The following COL5A2 variants were observed in gnomAD, a reference collection of about 807,000 sequenced individuals.
COL5A2 encodes collagen alpha-2(V) chain.
In COL5A2, 23 loss-of-function variants were observed where a neutral mutation model predicts 208.2. That is an observed-to-expected ratio of 0.11 (90% CI 0.08 to 0.16). The LOEUF is 0.16. Among genes scored for constraint, COL5A2 ranks in the 10% least tolerant of loss-of-function variants. COL5A2 has a pLI of 1.00. For missense variants in COL5A2, 1,590 were observed against 1,956.4 expected (o/e 0.81, Z 3.53); for synonymous variants, 625 against 628.5 (o/e 0.99, Z 0.08).
At chr2:189,262,967 T>C in the COL5A2 span, among the ~76,000 whole-genome samples, 2 of 152,144 alleles carry the variant, frequency 1.3e-5, no homozygotes, top group Admixed American at 6.6e-5. Context: ...CAGAGAAATT[T>C]ATTACATATT....
At chr2:189,214,231 A>AT (rs1345668565) in intron 1 of COL5A2, among the ~76,000 whole-genome samples, 5 of 152,140 alleles carry the variant, frequency 3.3e-5, no homozygotes, top group Admixed American at 6.6e-5. Context: ...GAACAAAGAC[A>AT]TATTATTCAC....
chr2:189,268,537 T>G, the COL5A2 span, among the ~76,000 whole-genome samples: 6 of 152,126 alleles, frequency 3.9e-5, no homozygotes, highest in South Asian at 1.2e-3. Context: ...AAATCCATGT[T>G]TAACAACTGC....
the COL5A2 span, among the ~76,000 whole-genome samples, chr2:189,356,837 C>G: frequency 1.3e-5 from 2 of 152,188 alleles, no homozygotes; most frequent in African/African-American, 2.4e-5. Context: ...GAATTTTCAG[C>G]CTTTTTGCAC....
chr2:189,230,687 A>T, the COL5A2 span, among the ~76,000 whole-genome samples: 1 of 151,910 alleles, frequency 6.6e-6, no homozygotes, highest in Non-Finnish European at 1.5e-5. Context: ...AATAACAGAA[A>T]ATAACTAGTG....
chr2:189,077,275 T>C (rs1269096073), intron 16 of COL5A2, among the ~76,000 whole-genome samples: 1 of 152,048 alleles, frequency 6.6e-6, no homozygotes, highest in Admixed American at 6.6e-5. Flanking sequence ...TAAAAAGATA[T>C]CATACACCAA....
At chr2:189,333,820 G>A in the COL5A2 span, among the ~76,000 whole-genome samples, 1 of 151,808 alleles carries the variant, frequency 6.6e-6, no homozygotes, top group African/African-American at 2.4e-5. Context: ...CTAGACTCCA[G>A]AATTAAAAGA....
Position 189,100,170 on chromosome 2 carries a change from A to C in COL5A2, c.337-31T>G, listed in dbSNP as rs374562200. 3.2e-6 allele frequency: 5 copies of C among 1,586,996 alleles called. No individual in the cohort carries two copies. The African/African-American group carries it at 6.7e-5, about 21-fold the overall frequency. ...ACATTAAAAACAATTCAAAAATTCA[A>C]TTAGCACAATATAATGGCTTGCTGG... On this transcript the variant is annotated intron_variant, in intron 3 of 53. Transcript: ENST00000374866.
At chr2:189,258,244 C>T in the COL5A2 span, among the ~76,000 whole-genome samples, 1 of 152,166 alleles carries the variant, frequency 6.6e-6, no homozygotes, top group Non-Finnish European at 1.5e-5. Flanking sequence ...AAGTTAATTT[C>T]TGTCCATGCA....
the COL5A2 span, among the ~76,000 whole-genome samples, chr2:189,306,546 T>C: frequency 6.6e-6 from 1 of 152,202 alleles, no homozygotes; most frequent in Non-Finnish European, 1.5e-5. Context: ...AACAAACTGG[T>C]GTGCTCATTA....
chr2:189,198,377 T>C (rs1021553042), intron 1 of COL5A2, among the ~76,000 whole-genome samples: 1 of 152,222 alleles, frequency 6.6e-6, no homozygotes, highest in Admixed American at 6.5e-5. Context: ...TCAGTGATAA[T>C]TTGATTATAA....
the COL5A2 span, among the ~76,000 whole-genome samples, chr2:189,267,467 G>A: frequency 6.6e-6 from 1 of 152,006 alleles, no homozygotes; most frequent in Non-Finnish European, 1.5e-5. Flanking sequence ...AAAGGAACAT[G>A]CTAAATGCAT....
chr2:189,082,885 C>T (rs1216856076), intron 12 of COL5A2, among the ~76,000 whole-genome samples: 2 of 152,172 alleles, frequency 1.3e-5, no homozygotes, highest in Non-Finnish European at 2.9e-5. Context: ...TCTCTGTCTG[C>T]ATTTATTTCC....
upstream of COL5A2, among the ~76,000 whole-genome samples, chr2:189,225,884 A>T (rs1020785840): frequency 2.0e-5 from 3 of 152,110 alleles, no homozygotes; most frequent in Non-Finnish European, 4.4e-5. Context: ...CAGAACCAAT[A>T]TGTGCTTTCT....
the COL5A2 span, among the ~76,000 whole-genome samples, chr2:189,377,979 C>T: frequency 6.6e-6 from 1 of 152,174 alleles, no homozygotes; most frequent in African/African-American, 2.4e-5. Flanking sequence ...TAGCACCCTA[C>T]AGCTGAGAAA....
the COL5A2 span, among the ~76,000 whole-genome samples, chr2:189,366,386 T>C: frequency 1.3e-5 from 2 of 152,234 alleles, no homozygotes; most frequent in Non-Finnish European, 2.9e-5. Context: ...TCTGAAGACA[T>C]TTTTGGTTGT....
chr2:189,253,316 C>T, the COL5A2 span, among the ~76,000 whole-genome samples: 6 of 152,204 alleles, frequency 3.9e-5, no homozygotes, highest in Admixed American at 6.5e-5. Context: ...TAGTTTATGA[C>T]TTTTGTCAAG....
At chr2:189,084,811 G>A (rs1686614814) in intron 11 of COL5A2, among the ~76,000 whole-genome samples, 1 of 152,156 alleles carries the variant, frequency 6.6e-6, no homozygotes, top group Non-Finnish European at 1.5e-5. Flanking sequence ...TCATAATGAT[G>A]TATTGCCATC....
At chr2:189,417,635 T>C in the COL5A2 span, among the ~76,000 whole-genome samples, 2,965 of 152,056 alleles carry the variant, frequency 0.019, 96 homozygotes, top group African/African-American at 0.068. Context: ...AAATGTTCTA[T>C]TCACTATTTC....
In COL5A2 at chr2:189,079,999, T is replaced by G; in HGVS notation, c.939A>C (p.Glu313Asp). ...TTACCTTGGAACCAGGTGCTCCAAC[T>G]TCACCTTTAGGGCCTTCAAGACCTT... is the stretch of plus-strand genomic sequence containing the variant. ...GHKGLEGPKG[E>D]VGAPGSKGEA... The change falls in exon 14 of 54, where the codon GAA (glutamate) becomes GAC (aspartate). Residue 313 changes from glutamate to aspartate, a missense_variant. Coordinates refer to ENST00000374866, the MANE Select transcript of COL5A2 (RefSeq NM_000393.5). The G allele has an allele frequency of 6.2e-7, 1 of 1,613,078 alleles. No homozygotes were observed. Among genetic ancestry groups the G allele is most frequent in the Non-Finnish European group, 8.5e-7 (1 of 1,179,176 alleles).
Sources: allele counts gnomAD v4.1 joint callset (sites outside exome capture counted in the v4.1 genomes callset), GRCh38; gene constraint gnomAD v4.1.1; transcripts MANE v1.5; gene names NCBI Gene and HGNC (gene_info 2026-07-23, HGNC 2026-07-21).